Variants in FBXW10B observed in about 807,000 individuals in gnomAD.
FBXW10B encodes F-box and WD repeat domain containing 10B, also known as F-box and WD repeat domain containing protein 10B.
chr17:15,615,462 G>A, the FBXW10B span: 6 of 730,046 alleles, frequency 8.2e-6, no homozygotes, highest in East Asian at 1.3e-4. Flanking sequence ...ACAGGTGCCT[G>A]CCACTGCGCC....
At chr17:15,609,891 T>G in the FBXW10B span, among the ~76,000 whole-genome samples, 2 of 137,530 alleles carry the variant, frequency 1.5e-5, no homozygotes, top group Admixed American at 1.6e-4. Context: ...GGAGTCTCGC[T>G]CTCTTGCCCA....
At chr17:15,583,148 T>C in the FBXW10B span, among the ~76,000 whole-genome samples, 1 of 145,522 alleles carries the variant, frequency 6.9e-6, no homozygotes, top group Non-Finnish European at 1.5e-5. Context: ...GAGGTCTCTG[T>C]ATGTGGCCTT....
chr17:15,619,242 G>A, the FBXW10B span: 6 of 1,613,932 alleles, frequency 3.7e-6, no homozygotes, highest in South Asian at 2.2e-5. Flanking sequence ...AGGTCGATCC[G>A]GGACCTGTTA....
chr17:15,589,324 G>A, the FBXW10B span: 1 of 1,466,352 alleles, frequency 6.8e-7, no homozygotes, highest in South Asian at 1.3e-5. Flanking sequence ...AGAAAAAAAA[G>A]GAAGCAGTGC....
At chr17:15,591,376 G>A in the FBXW10B span, among the ~76,000 whole-genome samples, 9 of 152,114 alleles carry the variant, frequency 5.9e-5, no homozygotes, top group African/African-American at 2.2e-4. Context: ...TGCAACCTCC[G>A]CCTCCTGGGT....
the FBXW10B span, among the ~76,000 whole-genome samples, chr17:15,598,233 T>C: frequency 1.3e-5 from 2 of 152,162 alleles, no homozygotes; most frequent in Admixed American, 1.3e-4. Context: ...TAGGAGACAA[T>C]GAGCCCTTTG....
the FBXW10B span, chr17:15,596,767 G>A: frequency 7.7e-5 from 108 of 1,399,358 alleles, no homozygotes; most frequent in South Asian, 1.4e-4. Flanking sequence ...AAGACTCATC[G>A]AGCCCATCAA....
chr17:15,609,066 G>A, the FBXW10B span, among the ~76,000 whole-genome samples: 1 of 147,034 alleles, frequency 6.8e-6, no homozygotes, highest in South Asian at 2.3e-4. Flanking sequence ...GACTGAACTA[G>A]ACTCTCAGTT....
chr17:15,567,766 A>T, the FBXW10B span, among the ~76,000 whole-genome samples: 1 of 152,258 alleles, frequency 6.6e-6, no homozygotes, highest in Non-Finnish European at 1.5e-5. Flanking sequence ...CGCTAAAATC[A>T]TGTAAATAAA....
chr17:15,594,976 GC>G, the FBXW10B span: 1 of 1,568,728 alleles, frequency 6.4e-7, no homozygotes, highest in Non-Finnish European at 8.7e-7. Flanking sequence ...GAATCCCAAA[GC>G]CACCCCCCAA....
At chr17:15,573,496 A>G in the FBXW10B span, 4 of 152,240 alleles carry the variant, frequency 2.6e-5, no homozygotes, top group Non-Finnish European at 5.9e-5. Context: ...ATTTTCCAGA[A>G]TTGTACATAC....
At chr17:15,566,216 G>T in the FBXW10B span, 1 of 1,612,368 alleles carries the variant, frequency 6.2e-7, no homozygotes, top group Non-Finnish European at 8.5e-7. Context: ...CCGGAATTAC[G>T]GGCGTGCTGC....
At chr17:15,606,808 CT>C in the FBXW10B span, among the ~76,000 whole-genome samples, 2 of 152,060 alleles carry the variant, frequency 1.3e-5, no homozygotes, top group Non-Finnish European at 2.9e-5. Context: ...TGCCTTTCCC[CT>C]ATCTTATCTG....
At chr17:15,608,512 G>C in the FBXW10B span, among the ~76,000 whole-genome samples, 2 of 151,740 alleles carry the variant, frequency 1.3e-5, no homozygotes, top group African/African-American at 2.4e-5. Context: ...GGAGTGCAAT[G>C]GCATGATCTT....
the FBXW10B span, among the ~76,000 whole-genome samples, chr17:15,611,798 A>G: frequency 1.6e-3 from 246 of 152,348 alleles, 1 homozygote; most frequent in South Asian, 8.3e-3. Flanking sequence ...GGTTTTAGGA[A>G]TATCAACCAT....
chr17:15,613,793 G>A, the FBXW10B span: 113 of 1,611,514 alleles, frequency 7.0e-5, 2 homozygotes, highest in East Asian at 2.5e-3. Context: ...GGGCCAAGAG[G>A]GGAGGTGTCT....
the FBXW10B span, among the ~76,000 whole-genome samples, chr17:15,590,673 C>T: frequency 1.7e-4 from 25 of 150,132 alleles, no homozygotes; most frequent in African/African-American, 6.2e-4. Context: ...CACAACTGTC[C>T]TCTTCCCTCT....
the FBXW10B span, among the ~76,000 whole-genome samples, chr17:15,569,463 T>TA: frequency 7.6e-6 from 1 of 131,200 alleles, no homozygotes; most frequent in Non-Finnish European, 1.6e-5. Flanking sequence ...TTCTTTTTTT[T>TA]TTTTTTTTTT....
chr17:15,578,810 G>T, the FBXW10B span, among the ~76,000 whole-genome samples: 1 of 152,068 alleles, frequency 6.6e-6, no homozygotes, highest in Non-Finnish European at 1.5e-5. Context: ...CATAATTCAG[G>T]GGTCACCACG....
Sources: gnomAD v4.1 joint callset for allele counts (sites outside exome capture counted in the v4.1 genomes callset) on GRCh38, gnomAD v4.1.1 for gene constraint, MANE v1.5 for transcripts, NCBI Gene and HGNC (gene_info 2026-07-23, HGNC 2026-07-21) for gene names.